FHIT: variants seen among roughly 807,000 people sequenced by gnomAD.
The protein encoded by FHIT is fragile histidine triad diadenosine triphosphatase, also known as bis(5'-adenosyl)-triphosphatase.
Under a neutral mutation model 17.9 loss-of-function variants are expected in FHIT, and 19 were observed. The observed-to-expected ratio is 1.06, with a 90% CI of 0.74 to 1.56. The LOEUF (loss-of-function observed/expected upper bound fraction) is 1.56. Ranked by LOEUF, FHIT falls within the 40% of genes most tolerant of loss-of-function variation. FHIT has a pLI of 0.00. For synonymous variants in FHIT, 81 were observed against 69.7 expected (o/e 1.16, Z -0.81); for missense variants, 248 against 189.2 (o/e 1.31, Z -1.82).
intron 3 of FHIT, among the ~76,000 whole-genome samples, chr3:61,021,830 G>T (rs962302856): frequency 2.0e-5 from 3 of 152,012 alleles, no homozygotes; most frequent in African/African-American, 7.2e-5. Context: ...AGAATCTCTG[G>T]GACACAGCTA....
chr3:60,356,416 T>G (rs1699654456), intron 5 of FHIT, among the ~76,000 whole-genome samples: 1 of 152,256 alleles, frequency 6.6e-6, no homozygotes, highest in Non-Finnish European at 1.5e-5. Context: ...TAGGAGAACT[T>G]AAAATGGACA....
intron 1 of FHIT, among the ~76,000 whole-genome samples, chr3:61,221,768 G>C (rs1266889206): frequency 6.6e-6 from 1 of 152,184 alleles, no homozygotes; most frequent in Non-Finnish European, 1.5e-5. Flanking sequence ...AAAACAGAGA[G>C]GTTGGAGAAT....
intron 7 of FHIT, among the ~76,000 whole-genome samples, chr3:59,956,593 G>A (rs577879021): frequency 1.1e-4 from 16 of 152,182 alleles, no homozygotes; most frequent in Admixed American, 8.5e-4. Context: ...GCTTGAACCC[G>A]GGAGGGAGAG....
At chr3:60,536,801 G>C (rs2035997054) in intron 5 of FHIT, 59 bp downstream of exon 5, 9 of 1,520,504 alleles carry the variant, frequency 5.9e-6, no homozygotes, top group Middle Eastern at 1.7e-4. Flanking sequence ...ATATTCATTT[G>C]GCTGGTTAGG....
At chr3:59,761,854 C>T (rs1050887207) in intron 8 of FHIT, among the ~76,000 whole-genome samples, 19 of 152,084 alleles carry the variant, frequency 1.2e-4, no homozygotes, top group African/African-American at 4.6e-4. Flanking sequence ...CCTCGGCCTC[C>T]CAAAGTTCTG....
intron 5 of FHIT, among the ~76,000 whole-genome samples, chr3:60,386,513 C>T (rs935454359): frequency 6.6e-5 from 10 of 152,210 alleles, no homozygotes; most frequent in South Asian, 2.1e-4. Flanking sequence ...CAATAGAAAC[C>T]GCTGACTACC....
chr3:60,137,470 C>G (rs1198768716), intron 5 of FHIT, among the ~76,000 whole-genome samples: 1 of 152,202 alleles, frequency 6.6e-6, no homozygotes, highest in Non-Finnish European at 1.5e-5. Context: ...CATCTTACAT[C>G]TGTGATTCTC....
At chr3:61,132,087 T>A (rs1456287602) in intron 2 of FHIT, among the ~76,000 whole-genome samples, 5 of 152,164 alleles carry the variant, frequency 3.3e-5, no homozygotes, top group African/African-American at 1.2e-4. Context: ...TCATGTAGGG[T>A]GGTTCCAACA....
chr3:60,230,675 T>C (rs746067882), intron 5 of FHIT, among the ~76,000 whole-genome samples: 5 of 152,186 alleles, frequency 3.3e-5, no homozygotes, highest in Non-Finnish European at 5.9e-5. Context: ...GTAGAATGCC[T>C]TTTTGTCCAA....
chr3:60,513,903 G>T (rs1188266983), intron 5 of FHIT, among the ~76,000 whole-genome samples: 1 of 152,158 alleles, frequency 6.6e-6, no homozygotes, highest in Non-Finnish European at 1.5e-5. Flanking sequence ...GAGCAGCAGA[G>T]CGGCAGAGCA....
intron 5 of FHIT, among the ~76,000 whole-genome samples, chr3:60,277,992 C>A (rs213354): frequency 0.43 from 65,284 of 152,024 alleles, 14,731 homozygotes; most frequent in South Asian, 0.62. Flanking sequence ...CCAAAGCAAA[C>A]TAGTATCCCC....
intron 5 of FHIT, among the ~76,000 whole-genome samples, chr3:60,180,401 C>T (rs186036055): frequency 1.3e-5 from 2 of 152,134 alleles, no homozygotes; most frequent in Non-Finnish European, 2.9e-5. Context: ...TTAAGGGCCA[C>T]CTGCTGTTCC....
intron 2 of FHIT, among the ~76,000 whole-genome samples, chr3:61,096,838 C>T (rs1035478838): frequency 6.6e-6 from 1 of 152,026 alleles, no homozygotes; most frequent in African/African-American, 2.4e-5. Flanking sequence ...AGGCCGGGAG[C>T]GGCAGCTCAC....
intron 8 of FHIT, among the ~76,000 whole-genome samples, chr3:59,849,840 G>A (rs986372207): frequency 9.9e-5 from 15 of 152,176 alleles, no homozygotes; most frequent in African/African-American, 3.6e-4. Flanking sequence ...TGCAGTGAAG[G>A]AAAAAGCATA....
At chr3:60,981,987 T>C (rs1444073839) in intron 3 of FHIT, among the ~76,000 whole-genome samples, 1 of 152,178 alleles carries the variant, frequency 6.6e-6, no homozygotes, top group Admixed American at 6.5e-5. Context: ...TCTCGGCAGA[T>C]ACCCTGTTGG....
chr3:60,212,543 T>C (rs1703503113), intron 5 of FHIT, among the ~76,000 whole-genome samples: 1 of 152,070 alleles, frequency 6.6e-6, no homozygotes, highest in Non-Finnish European at 1.5e-5. Context: ...AAAACACATA[T>C]CTCTTTCACA....
chr3:60,781,709 G>A (rs1575517025), intron 4 of FHIT, among the ~76,000 whole-genome samples: 2 of 152,122 alleles, frequency 1.3e-5, no homozygotes, highest in East Asian at 1.9e-4. Context: ...GCCTTTTAGG[G>A]AAGCTTAAGG....
chr3:59,889,510 G>A (rs1379919396), intron 8 of FHIT, among the ~76,000 whole-genome samples: 1 of 152,152 alleles, frequency 6.6e-6, no homozygotes, highest in Non-Finnish European at 1.5e-5. Context: ...CATGGTCTCT[G>A]ACTCACTAGG....
In FHIT at chr3:60,042,242, C is replaced by T. The variant is rs141166646; in HGVS notation, c.104-28090G>A. 5.1e-3 allele frequency among the ~76,000 whole-genome samples: 777 copies of T among 152,346 alleles called. 6 individuals carry two copies. Among genetic ancestry groups the T allele is most frequent in the African/African-American group, 0.017 (722 of 41,582 alleles). ...TTCTGAGCTTGGAAAAAGCACACTA[C>T]ACTGAAAAAGCATTTTGAATGGAAA... is the stretch of plus-strand genomic sequence containing the variant. On this transcript the variant is annotated intron_variant, in intron 5 of 9. Coordinates refer to ENST00000492590, the MANE Select transcript of FHIT (RefSeq NM_002012.4).
Sources: gnomAD v4.1 joint callset for allele counts (sites outside exome capture counted in the v4.1 genomes callset) on GRCh38, gnomAD v4.1.1 for gene constraint, MANE v1.5 for transcripts, NCBI Gene and HGNC (gene_info 2026-07-23, HGNC 2026-07-21) for gene names.